HOXC4: variants seen among roughly 807,000 people sequenced by gnomAD.
HOXC4 encodes homeobox C4.
A neutral mutation model predicts 25.5 loss-of-function variants in HOXC4; 15 were observed. The observed-to-expected ratio is 0.59, with a 90% CI of 0.39 to 0.91. The LOEUF (loss-of-function observed/expected upper bound fraction) is 0.91, where lower values mean the gene tolerates loss of function less well. Ranked by LOEUF, HOXC4 falls within the 40% of genes least tolerant of loss-of-function variation. HOXC4 has a pLI of 0.00. For synonymous variants in HOXC4, 165 were observed against 148.0 expected (o/e 1.11, Z -0.83); for missense variants, 342 against 352.4 (o/e 0.97, Z 0.24).
At chr12:54,034,388 G>C in intron 1 of HOXC4, 1 of 1,614,206 alleles carries the variant, frequency 6.2e-7, no homozygotes, top group South Asian at 1.1e-5. Flanking sequence ...CATAGAGATC[G>C]CCAACAACTT....
rs1204110891 is a variant in HOXC4 at position 54,055,142 on chromosome 12, A to G, written c.732A>G (p.Glu244=). The part of the protein sequence containing the change: ...TLSAATPGTS[E]DHSQSATPPE... The stretch of plus-strand genomic sequence containing the variant: ...CGGCAGCTACCCCGGGTACTTCTGA[A>G]GACCACTCCCAGAGCGCCACGCCGC... The change falls in exon 2 of 2, where the codon GAA becomes GAG. Residue 244 remains glutamate, a synonymous_variant. Transcript: ENST00000430889. 1 of 1,613,388 alleles carries G rather than the reference A, an allele frequency of 6.2e-7. No individual in the cohort carries two copies. Among genetic ancestry groups the G allele is most frequent in the African/African-American group, 1.3e-5 (1 of 74,924 alleles).
chr12:54,023,869 T>G (rs548442837), intron 1 of HOXC4, among the ~76,000 whole-genome samples: 1 of 152,270 alleles, frequency 6.6e-6, no homozygotes, highest in South Asian at 2.1e-4. Context: ...GAGCCATGCT[T>G]TGGTGTTCCC....
chr12:54,033,133 A>T (rs1592237534), intron 1 of HOXC4: 2 of 1,607,680 alleles, frequency 1.2e-6, no homozygotes, highest in Non-Finnish European at 1.7e-6. Context: ...ATGAGCTCCT[A>T]CGTAGCCAAT....
intron 1 of HOXC4, among the ~76,000 whole-genome samples, chr12:54,026,786 C>A (rs777770534): frequency 1.4e-4 from 22 of 152,194 alleles, no homozygotes; most frequent in Non-Finnish European, 2.2e-4. Context: ...CCAGGGAAAC[C>A]TTAACGTTAC....
At chr12:54,051,994 C>G (rs1937857086), upstream of HOXC4, among the ~76,000 whole-genome samples, 1 of 152,146 alleles carries the variant, frequency 6.6e-6, no homozygotes, top group Admixed American at 6.5e-5. Context: ...TCCTCATTCC[C>G]TTAATTGCAG....
chr12:54,039,053 C>T (rs1941230442), intron 1 of HOXC4, among the ~76,000 whole-genome samples: 1 of 152,140 alleles, frequency 6.6e-6, no homozygotes, highest in Non-Finnish European at 1.5e-5. Flanking sequence ...AGGAAAGTGA[C>T]AACATGTGAA....
intron 1 of HOXC4, among the ~76,000 whole-genome samples, chr12:54,024,225 A>G (rs1170170214): frequency 1.3e-5 from 2 of 152,068 alleles, no homozygotes; most frequent in African/African-American, 4.8e-5. Context: ...CTTGCTCAGA[A>G]AAGTGAGACT....
At chr12:54,052,577 G>C (rs540492224), upstream of HOXC4, among the ~76,000 whole-genome samples, 4 of 150,698 alleles carry the variant, frequency 2.7e-5, no homozygotes, top group Middle Eastern at 3.4e-3. Flanking sequence ...GCTGGGGGGG[G>C]GGGGTGGTGG....
chr12:54,051,710 C>T (rs541889231), upstream of HOXC4, among the ~76,000 whole-genome samples: 11 of 152,310 alleles, frequency 7.2e-5, no homozygotes, highest in African/African-American at 2.6e-4. Context: ...CAAGCACCAG[C>T]TCCTTGGGAG....
rs577884258 is a variant in HOXC4 at position 54,020,142 on chromosome 12, T to C, written c.-124+2728T>C. 3.9e-5 allele frequency: 6 copies of C among 152,368 alleles called. No homozygotes were observed. In the South Asian group the frequency reaches 8.3e-4, roughly 21 times the overall value. 9.4% of individuals were successfully genotyped at this position (152,368 alleles called of 1,614,324 possible). On this transcript the variant is annotated intron_variant, in intron 1 of 3. Coordinates refer to the HOXC4 transcript ENST00000303406. ...CTCTAAGCCTCCTTGCAGGCCACAT[T>C]CCCTGCTGACGTGGTCCTTCCTGCA...
At chr12:54,022,385 A>G (rs1565737093) in intron 1 of HOXC4, 1 of 152,172 alleles carries the variant, frequency 6.6e-6, no homozygotes, top group Admixed American at 6.5e-5. Flanking sequence ...TATGTCTCCA[A>G]TCCTGCCAGG....
At position 54,053,906 on chromosome 12, in the gene HOXC4, T is replaced by C; in HGVS notation, c.-17T>C. 1 of 1,584,880 alleles carries C rather than the reference T, an allele frequency of 6.3e-7. No individual in the cohort carries two copies. Among genetic ancestry groups the C allele is most frequent in the Non-Finnish European group, 8.6e-7 (1 of 1,157,002 alleles). On this transcript the variant is annotated 5_prime_UTR_variant, in exon 1 of 2. Coordinates refer to ENST00000430889, the MANE Select transcript of HOXC4 (RefSeq NM_153633.3). ...AAACGACAAAGCGAGAAAAATTATT[T>C]TCCACTCCAGAAATTAATGATCATG...
At position 54,048,230 on chromosome 12, in the gene HOXC4, T is replaced by C. The variant is rs538910591; in HGVS notation, c.-123-4930T>C. ...GGAGCTGTGTTTTGTGAGGGGAAGATCTTATTATTGAGGTTAATCATGGTA... is the reference window on the plus strand; with the variant it reads ...GGAGCTGTGTTTTGTGAGGGGAAGACCTTATTATTGAGGTTAATCATGGTA... On this transcript the variant is annotated intron_variant, in intron 1 of 3. Coordinates refer to the HOXC4 transcript ENST00000303406. Among the ~76,000 whole-genome samples, 4 of 151,892 alleles carry C rather than the reference T, an allele frequency of 2.6e-5. No individual in the cohort carries two copies. In the South Asian group the frequency reaches 6.3e-4, roughly 24 times the overall value.
intron 1 of HOXC4, chr12:54,034,432 C>G (rs1279616231): frequency 6.2e-7 from 1 of 1,614,242 alleles, no homozygotes; most frequent in South Asian, 1.1e-5. Flanking sequence ...AGATCTGGTT[C>G]CAGAACCGCA....
chr12:54,055,030 G>A lies in HOXC4; in HGVS notation c.620G>A (p.Arg207His). Reference protein sequence around the residue: ...ERQIKIWFQNRRMKWKKDHRL... With the variant: ...ERQIKIWFQNHRMKWKKDHRL... ...CAGATCAAAATCTGGTTCCAAAACC[G>A]TCGCATGAAATGGAAGAAGGACCAC... Residue 207 changes from arginine to histidine, a missense_variant, in exon 2 of 2, where the codon CGT (arginine) becomes CAT (histidine). By Grantham distance (29) the Arg-to-His change is conservative. Transcript: ENST00000430889. 3 of 1,613,904 alleles carry A rather than the reference G, an allele frequency of 1.9e-6. No individual in the cohort carries two copies. The highest frequency in any genetic ancestry group is 1.3e-5 in the African/African-American group (1 of 74,962).
intron 1 of HOXC4, chr12:54,034,282 G>A (rs1302086958): frequency 3.7e-6 from 6 of 1,613,406 alleles, no homozygotes; most frequent in Non-Finnish European, 5.1e-6. Flanking sequence ...TTCCAGAGAC[G>A]GACGGCAAGC....
chr12:54,034,526 A>G, intron 1 of HOXC4: 3 of 1,561,334 alleles, frequency 1.9e-6, no homozygotes, highest in Non-Finnish European at 2.6e-6. Flanking sequence ...GCGCGCCCCT[A>G]GCCGGTTCCT....
chr12:54,029,507 G>A, intron 1 of HOXC4: 1 of 737,594 alleles, frequency 1.4e-6, no homozygotes, highest in South Asian at 2.1e-5. Flanking sequence ...CAGTGGGGGT[G>A]GGGCAAGGCA....
upstream of HOXC4, among the ~76,000 whole-genome samples, chr12:54,052,793 G>C (rs188999918): frequency 9.5e-4 from 144 of 152,246 alleles, no homozygotes; most frequent in African/African-American, 3.3e-3. Context: ...TTAGGAATTC[G>C]TGTTTACATG....
Sources: allele counts gnomAD v4.1 joint callset (sites outside exome capture counted in the v4.1 genomes callset), GRCh38; gene constraint gnomAD v4.1.1; transcripts MANE v1.5; gene names NCBI Gene and HGNC (gene_info 2026-07-23, HGNC 2026-07-21).